Variants in MCM8 observed in about 807,000 individuals in gnomAD.
The protein encoded by MCM8 is minichromosome maintenance 8 homologous recombination repair factor.
A neutral mutation model predicts 98.9 loss-of-function variants in MCM8; 85 were observed. The ratio of observed to expected loss-of-function variants is 0.86; its 90% CI spans 0.72 to 1.03. MCM8 has a LOEUF of 1.03. Among genes scored for constraint, MCM8 ranks in the 50% least tolerant of loss-of-function variants. The pLI is 0.00. For synonymous variants in MCM8, 352 were observed against 338.6 expected (o/e 1.04, Z -0.44); for missense variants, 951 against 997.8 (o/e 0.95, Z 0.63).
chr20:5,990,023 T>TA (rs1168804126), intron 17 of MCM8, among the ~76,000 whole-genome samples: 1 of 152,052 alleles, frequency 6.6e-6, no homozygotes. Context: ...TCTAACAACT[T>TA]ACCTTCTGTG....
chr20:5,962,352 CTTT>C (rs926577182), intron 7 of MCM8, among the ~76,000 whole-genome samples: 5 of 40,578 alleles, frequency 1.2e-4, no homozygotes, highest in East Asian at 9.4e-4. Flanking sequence ...GCCTTCATTT[CTTT>C]TTTTTTTTTT....
Position 5,983,082 on chromosome 20 carries a change from T to C in MCM8, c.1650T>C (p.Leu550=). ...CTAAGGCTGGTGTGGTTTGTAGCCT[T>C]CCTGCAAGAACTTCCATTATTGCTG... ...SLAKAGVVCS[L]PARTSIIAAA... is the part of the protein sequence containing the mutation. Residue 550 remains leucine (L), a synonymous_variant, in exon 14 of 19, where the codon CTT becomes CTC. Coordinates refer to ENST00000610722, the MANE Select transcript of MCM8 (RefSeq NM_032485.6). 6.2e-7 allele frequency: 1 copy of C among 1,614,190 alleles called. No individual in the cohort carries two copies. The highest frequency in any genetic ancestry group is 8.5e-7 in the Non-Finnish European group (1 of 1,180,024).
intron 13 of MCM8, among the ~76,000 whole-genome samples, chr20:5,980,453 T>A (rs577297477): frequency 4.0e-4 from 61 of 152,278 alleles, no homozygotes; most frequent in African/African-American, 1.4e-3. Flanking sequence ...AATAAATAAA[T>A]ACCAAAAACA....
Position 5,983,105 on chromosome 20 carries a change from C to T in MCM8, c.1673C>T (p.Ala558Val). 2 of 1,614,082 alleles carry T rather than the reference C, an allele frequency of 1.2e-6. No individual in the cohort carries two copies. Among genetic ancestry groups the T allele is most frequent in the Non-Finnish European group, 1.7e-6 (2 of 1,180,002 alleles). ...CTTCCTGCAAGAACTTCCATTATTGCTGCTGCAAATCCAGTTGGAGGACAT... is the reference window on the plus strand; with the variant it reads ...CTTCCTGCAAGAACTTCCATTATTGTTGCTGCAAATCCAGTTGGAGGACAT... The part of the protein sequence containing the change: ...CSLPARTSII[A>V]AANPVGGHYN... The change falls in exon 14 of 19, where the codon GCT becomes GTT. Residue 558 changes from alanine (A) to valine (V), a missense_variant. Ala to Val is a moderately conservative substitution (Grantham distance 64, BLOSUM62 0). Transcript: ENST00000610722.
At chr20:5,971,811 A>T (rs574438541) in intron 10 of MCM8, among the ~76,000 whole-genome samples, 196 bp from the exon 11 acceptor site, 134 of 152,332 alleles carry the variant, frequency 8.8e-4, no homozygotes, top group Admixed American at 5.9e-4. Flanking sequence ...CAGAGTTTTT[A>T]AAAAATTCTA....
chr20:5,950,687 A>C lies in MCM8; in HGVS notation c.-342A>C. The C allele has an allele frequency of 2.8e-6, 1 of 357,288 alleles. No individual in the cohort carries two copies. The highest frequency in any genetic ancestry group is 4.7e-5 in the East Asian group (1 of 21,476). The allele number at this position is 357,288 out of a possible 1,614,324, so 22.1% of individuals were successfully genotyped here. A position where few individuals can be genotyped will look rare whatever the true frequency, so the allele number is the denominator to read the frequency against. ...AAGTTGGATCACTGAAGCGCCAAAA[A>C]AGAATTTAGGGGAAGACCTGATTTT... On this transcript the variant is annotated 5_prime_UTR_variant, in exon 1 of 19. Transcript: ENST00000610722.
chr20:5,973,728 C>T (rs1299147382), intron 12 of MCM8, among the ~76,000 whole-genome samples: 1 of 151,462 alleles, frequency 6.6e-6, no homozygotes, highest in Non-Finnish European at 1.5e-5. Flanking sequence ...GATCTGGGCT[C>T]ACTGCAACCT....
At chr20:5,970,460 C>T (rs2089378212) in intron 10 of MCM8, among the ~76,000 whole-genome samples, 1 of 152,192 alleles carries the variant, frequency 6.6e-6, no homozygotes, top group Non-Finnish European at 1.5e-5. Flanking sequence ...GAAAACTCCA[C>T]TGTGGAAAGC....
At chr20:5,982,130 G>A (rs930263428) in intron 13 of MCM8, among the ~76,000 whole-genome samples, 1 of 152,150 alleles carries the variant, frequency 6.6e-6, no homozygotes, top group Non-Finnish European at 1.5e-5. Context: ...GTATGTGCCA[G>A]GAATGTCATG....
At chr20:5,960,041 A>G (rs2089102023) in intron 7 of MCM8, among the ~76,000 whole-genome samples, 1 of 152,110 alleles carries the variant, frequency 6.6e-6, no homozygotes, top group African/African-American at 2.4e-5. Flanking sequence ...TTCCCAACTT[A>G]AATCTTTGCT....
At chr20:5,960,726 AG>A (rs199799430) in intron 7 of MCM8, among the ~76,000 whole-genome samples, 2,170 of 152,218 alleles carry the variant, frequency 0.014, 48 homozygotes, top group African/African-American at 0.049. Context: ...ACCTGAGGTC[AG>A]GAGTTGAAGA....
At chr20:5,983,931 A>T (rs1387664382) in intron 14 of MCM8, among the ~76,000 whole-genome samples, 1 of 152,184 alleles carries the variant, frequency 6.6e-6, no homozygotes, top group African/African-American at 2.4e-5. Flanking sequence ...CTATAATAAG[A>T]CTGTAGTGAT....
chr20:5,970,048 C>G (rs547369924), intron 10 of MCM8, among the ~76,000 whole-genome samples: 5 of 152,284 alleles, frequency 3.3e-5, no homozygotes, highest in African/African-American at 1.2e-4. Context: ...TAGAATTTTT[C>G]ATGGTCCTCT....
intron 15 of MCM8, among the ~76,000 whole-genome samples, chr20:5,985,458 A>G (rs987312905): frequency 1.5e-4 from 22 of 145,320 alleles, no homozygotes; most frequent in Non-Finnish European, 3.0e-4. Flanking sequence ...AAAAAAAAAA[A>G]GGAATCTAAG....
At chr20:5,994,275 A>G (rs2089912236) in intron 18 of MCM8, 24 bp from the exon 19 acceptor site, 1 of 1,450,720 alleles carries the variant, frequency 6.9e-7, no homozygotes, top group Non-Finnish European at 9.5e-7. Context: ...TTAATGGGCT[A>G]AACCTTTTGA....
chr20:5,986,697 G>GAAAACC (rs1256583834), intron 16 of MCM8, among the ~76,000 whole-genome samples: 4 of 152,158 alleles, frequency 2.6e-5, no homozygotes, highest in South Asian at 2.1e-4. Flanking sequence ...AAAGGCAAGG[G>GAAAACC]AAAACCAAGT....
intron 10 of MCM8, among the ~76,000 whole-genome samples, chr20:5,970,606 A>G (rs1009322964): frequency 6.6e-6 from 1 of 152,194 alleles, no homozygotes; most frequent in South Asian, 2.1e-4. Context: ...TTTGGCAGAC[A>G]GGTGCAGATG....
intron 8 of MCM8, among the ~76,000 whole-genome samples, chr20:5,966,138 C>G (rs899887601): frequency 3.3e-5 from 5 of 152,086 alleles, no homozygotes; most frequent in African/African-American, 1.2e-4. Flanking sequence ...TATGAGAGGT[C>G]TGGTGCTCAT....
rs2088842011 is a variant in MCM8 at position 5,952,040 on chromosome 20, G to A, written c.25G>A (p.Gly9Arg). MNGEYRGR[G>R]FGRGRFQSWK... ...GATGAATGGAGAGTATAGAGGCAGA[G>A]GATTTGGACGAGGAAGATTTCAAAG... The change falls in exon 2 of 19, where the codon GGA (glycine) becomes AGA (arginine). Residue 9 changes from glycine to arginine, a missense_variant. Physicochemically the swap from Gly to Arg is moderately radical, Grantham distance 125. Coordinates refer to ENST00000610722, the MANE Select transcript of MCM8 (RefSeq NM_032485.6). 6.2e-7 allele frequency: 1 copy of A among 1,614,004 alleles called. No individual in the cohort carries two copies. The highest frequency in any genetic ancestry group is 1.1e-5 in the South Asian group (1 of 91,080).
Sources: allele counts gnomAD v4.1 joint callset (sites outside exome capture counted in the v4.1 genomes callset), GRCh38; gene constraint gnomAD v4.1.1; transcripts MANE v1.5; gene names NCBI Gene and HGNC (gene_info 2026-07-23, HGNC 2026-07-21).